The following TRPM3 variants were observed in gnomAD, a reference collection of about 807,000 sequenced individuals.
The protein encoded by TRPM3 is transient receptor potential cation channel subfamily M member 3, also known as long transient receptor potential channel 3.
Under a neutral mutation model 181.2 loss-of-function variants are expected in TRPM3, and 77 were observed. The observed-to-expected ratio is 0.42, with a 90% CI of 0.35 to 0.51. The LOEUF (loss-of-function observed/expected upper bound fraction) is 0.51. Among genes scored for constraint, TRPM3 ranks in the 20% least tolerant of loss-of-function variants. The probability of loss-of-function intolerance (pLI) is 0.01; values close to 1 mark genes in which losing one functional copy is unlikely to be tolerated. For synonymous variants in TRPM3, 745 were observed against 796.4 expected (o/e 0.94, Z 1.09); for missense variants, 1,759 against 2,196.7 (o/e 0.80, Z 3.98).
chr9:71,372,257 C>A (rs1185383620), intron 1 of TRPM3, among the ~76,000 whole-genome samples: 1 of 152,116 alleles, frequency 6.6e-6, no homozygotes, highest in Non-Finnish European at 1.5e-5. Context: ...AGGCTGATTC[C>A]ATGACTTTGC....
At chr9:71,114,646 G>T in intron 1 of TRPM3, among the ~76,000 whole-genome samples, 1 of 152,112 alleles carries the variant, frequency 6.6e-6, no homozygotes, top group Non-Finnish European at 1.5e-5. Flanking sequence ...AGAATTATGG[G>T]CATCAGTTAT....
intron 1 of TRPM3, among the ~76,000 whole-genome samples, chr9:71,380,305 T>C (rs1212354401): frequency 2.0e-5 from 3 of 151,932 alleles, no homozygotes; most frequent in African/African-American, 4.8e-5. Flanking sequence ...GAGAAAACAA[T>C]GATTAAAAAA....
intron 1 of TRPM3, among the ~76,000 whole-genome samples, chr9:71,004,580 C>A (rs1290920933): frequency 2.0e-5 from 3 of 152,078 alleles, no homozygotes; most frequent in Non-Finnish European, 4.4e-5. Context: ...TTATGAAAAC[C>A]CAGAGAACTA....
At chr9:70,765,761 C>T (rs13295997) in intron 7 of TRPM3, among the ~76,000 whole-genome samples, 721 of 152,188 alleles carry the variant, frequency 4.7e-3, no homozygotes, top group Non-Finnish European at 7.1e-3. Flanking sequence ...TGGAAGCCTG[C>T]TTTCTTAAAA....
chr9:71,281,605 G>C (rs11142776), intron 1 of TRPM3, among the ~76,000 whole-genome samples: 42,154 of 152,042 alleles, frequency 0.28, 6,136 homozygotes, highest in Middle Eastern at 0.5. Context: ...AGCATTTTAA[G>C]TACACTCTTC....
chr9:70,883,903 A>G (rs955136075), intron 1 of TRPM3, among the ~76,000 whole-genome samples: 4 of 152,176 alleles, frequency 2.6e-5, no homozygotes, highest in African/African-American at 9.7e-5. Flanking sequence ...TTATCTTTGG[A>G]AAGAGGCCGA....
intron 1 of TRPM3, among the ~76,000 whole-genome samples, chr9:71,030,175 A>G (rs1266451131): frequency 6.6e-6 from 1 of 152,242 alleles, no homozygotes; most frequent in Non-Finnish European, 1.5e-5. Context: ...TTTGTTTAAT[A>G]AACATATGCT....
intron 6 of TRPM3, among the ~76,000 whole-genome samples, chr9:70,819,377 C>A (rs994244112): frequency 4.6e-5 from 7 of 152,082 alleles, no homozygotes; most frequent in Non-Finnish European, 8.8e-5. Flanking sequence ...TTCTAAATAC[C>A]AATATCCTCA....
chr9:71,262,525 A>G (rs1588179965), intron 1 of TRPM3, among the ~76,000 whole-genome samples: 3 of 152,144 alleles, frequency 2.0e-5, no homozygotes, highest in Non-Finnish European at 4.4e-5. Context: ...GGGAGTGAAC[A>G]GTTCTATCTC....
intron 1 of TRPM3, among the ~76,000 whole-genome samples, chr9:71,295,524 C>T (rs944335026): frequency 6.7e-5 from 10 of 149,236 alleles, no homozygotes; most frequent in Non-Finnish European, 1.5e-4. Flanking sequence ...GAACATGTAT[C>T]TAAAGTCTCT....
In TRPM3 at chr9:70,589,643, A is replaced by G. The variant is rs577987096; in HGVS notation, c.3223+1388T>C. Among the ~76,000 whole-genome samples, 13 of 152,288 alleles carry G rather than the reference A, an allele frequency of 8.5e-5. No individual in the cohort carries two copies. In the South Asian group the frequency reaches 2.5e-3, roughly 29 times the overall value. On this transcript the variant is annotated intron_variant, in intron 22 of 25. Coordinates refer to ENST00000677713, the MANE Select transcript of TRPM3 (RefSeq NM_001366145.2). Reference sequence around the variant, plus strand: ...CAAGCTGTCTTGGTGAAGGCTGCACATTGTCAGCCAAAGATATTACAACCA... The same window carrying G: ...CAAGCTGTCTTGGTGAAGGCTGCACGTTGTCAGCCAAAGATATTACAACCA...
chr9:71,039,597 C>G (rs1469320500), intron 1 of TRPM3, among the ~76,000 whole-genome samples: 2 of 152,130 alleles, frequency 1.3e-5, no homozygotes, highest in Non-Finnish European at 2.9e-5. Context: ...CTTGGGCCAT[C>G]AACATGGTCA....
At chr9:70,851,119 A>G (rs1425048356) in intron 3 of TRPM3, among the ~76,000 whole-genome samples, 1 of 152,096 alleles carries the variant, frequency 6.6e-6, no homozygotes, top group African/African-American at 2.4e-5. Flanking sequence ...CTGCGCCACT[A>G]CACTCCAGCC....
intron 1 of TRPM3, among the ~76,000 whole-genome samples, chr9:71,374,070 C>A (rs2092602820): frequency 6.6e-6 from 1 of 152,112 alleles, no homozygotes; most frequent in African/African-American, 2.4e-5. Flanking sequence ...AATTCAACAT[C>A]CCTTCATGTT....
intron 1 of TRPM3, among the ~76,000 whole-genome samples, chr9:71,284,263 A>G (rs1182949630): frequency 1.3e-5 from 2 of 152,248 alleles, no homozygotes; most frequent in Non-Finnish European, 2.9e-5. Context: ...ATACTTGCCA[A>G]CATAAAATTA....
chr9:70,888,179 A>G (rs1050254874), intron 1 of TRPM3, among the ~76,000 whole-genome samples: 2 of 152,194 alleles, frequency 1.3e-5, no homozygotes, highest in African/African-American at 4.8e-5. Flanking sequence ...AGTCACTATA[A>G]TGATGAGGCT....
At chr9:70,959,278 G>T (rs13302269) in intron 1 of TRPM3, among the ~76,000 whole-genome samples, 19,825 of 151,774 alleles carry the variant, frequency 0.13, 1,664 homozygotes, top group East Asian at 0.29. Context: ...AGTCTTAATG[G>T]ATGCTTATTA....
At chr9:71,101,818 C>T (rs2068440123) in intron 1 of TRPM3, among the ~76,000 whole-genome samples, 1 of 152,110 alleles carries the variant, frequency 6.6e-6, no homozygotes, top group Non-Finnish European at 1.5e-5. Flanking sequence ...GTCATTGGCT[C>T]CTGTGACAGC....
intron 1 of TRPM3, among the ~76,000 whole-genome samples, chr9:71,186,626 T>A (rs2077696332): frequency 6.6e-6 from 1 of 152,002 alleles, no homozygotes; most frequent in Admixed American, 6.6e-5. Flanking sequence ...CCAGACCAAG[T>A]TAGGGATGAA....
Sources: allele counts gnomAD v4.1 joint callset (sites outside exome capture counted in the v4.1 genomes callset), GRCh38; gene constraint gnomAD v4.1.1; transcripts MANE v1.5; gene names NCBI Gene and HGNC (gene_info 2026-07-23, HGNC 2026-07-21).